Variants in TMEM132D observed in about 807,000 individuals in gnomAD.
The protein encoded by TMEM132D is transmembrane protein 132D.
A neutral mutation model predicts 62.3 loss-of-function variants in TMEM132D; 21 were observed. That is an observed-to-expected ratio of 0.34 (90% CI 0.24 to 0.49). TMEM132D has a LOEUF of 0.49. Ranked by LOEUF, TMEM132D falls within the 20% of genes least tolerant of loss-of-function variation. TMEM132D has a pLI of 0.99. For synonymous variants in TMEM132D, 621 were observed against 575.6 expected (o/e 1.08, Z -1.13); for missense variants, 1,346 against 1,402.8 (o/e 0.96, Z 0.65).
chr12:129,265,216 A>T (rs1004050106), intron 4 of TMEM132D, among the ~76,000 whole-genome samples: 1 of 152,212 alleles, frequency 6.6e-6, no homozygotes, highest in Admixed American at 6.5e-5. Context: ...AGCCAGGGTC[A>T]TGTGACACAC....
chr12:129,795,717 G>T, intron 1 of TMEM132D, among the ~76,000 whole-genome samples: 1 of 152,130 alleles, frequency 6.6e-6, no homozygotes, highest in Non-Finnish European at 1.5e-5. Context: ...TATCGAAATT[G>T]TAGTTGACAT....
chr12:129,387,292 T>C (rs1305633899), intron 3 of TMEM132D, among the ~76,000 whole-genome samples: 1 of 120,472 alleles, frequency 8.3e-6, no homozygotes, highest in African/African-American at 3.9e-5. Flanking sequence ...TATGTGCCAA[T>C]GCCAACACCA....
In TMEM132D at chr12:129,779,384, G is replaced by C. The variant is rs1871047272; in HGVS notation, c.80-78686C>G. Among the ~76,000 whole-genome samples, 1 of 152,152 alleles carries C rather than the reference G, an allele frequency of 6.6e-6. No homozygotes were observed. Among genetic ancestry groups the C allele is most frequent in the South Asian group, 2.1e-4 (1 of 4,834 alleles). On this transcript the variant is annotated intron_variant, in intron 1 of 8. Coordinates refer to ENST00000422113, the MANE Select transcript of TMEM132D (RefSeq NM_133448.3). This position sits in a 1 kb window ranked among gnomAD's most constrained non-coding sequence, Gnocchi z 4.1. ...GCTCACTACAACCTCCACTTCCTGG[G>C]TTCAGGTGATCCTCCCACCTCAGCC...
intron 3 of TMEM132D, among the ~76,000 whole-genome samples, chr12:129,395,900 T>C (rs370323951): frequency 7.3e-6 from 1 of 137,412 alleles, no homozygotes; most frequent in South Asian, 2.4e-4. Context: ...ACATTTATAA[T>C]ATACTATATA....
intron 3 of TMEM132D, among the ~76,000 whole-genome samples, chr12:129,444,027 A>G (rs1477292442): frequency 1.3e-5 from 2 of 152,192 alleles, no homozygotes; most frequent in Non-Finnish European, 1.5e-5. Flanking sequence ...CCTTTCCCCA[A>G]TAAATGATGC....
chr12:129,271,201 A>G (rs1379871715), intron 4 of TMEM132D, among the ~76,000 whole-genome samples: 2 of 149,250 alleles, frequency 1.3e-5, no homozygotes, highest in Non-Finnish European at 2.9e-5. Context: ...GTTAGGAAAA[A>G]AAATAAGACA....
rs529605485 is a variant in TMEM132D at position 129,457,298 on chromosome 12, G to A, written c.1115+73761C>T. ...AGTTTATGTCCTTTGTAGGGACATGGATGAAGCTGGAAACCATCATTCTCA... is the reference window on the plus strand; with the variant it reads ...AGTTTATGTCCTTTGTAGGGACATGAATGAAGCTGGAAACCATCATTCTCA... On this transcript the variant is annotated intron_variant, in intron 3 of 8. Coordinates refer to ENST00000422113, the MANE Select transcript of TMEM132D (RefSeq NM_133448.3). Among the ~76,000 whole-genome samples, 3 of 151,614 alleles carry A rather than the reference G, an allele frequency of 2.0e-5. No individual in the cohort carries two copies. The East Asian group carries it at 5.8e-4, about 29-fold the overall frequency.
intron 5 of TMEM132D, among the ~76,000 whole-genome samples, chr12:129,124,454 A>G (rs111761381): frequency 2.1e-3 from 321 of 152,226 alleles, no homozygotes; most frequent in African/African-American, 7.1e-3. Flanking sequence ...CTCTCCTAAA[A>G]TCTCTCTAGT....
intron 4 of TMEM132D, among the ~76,000 whole-genome samples, chr12:129,254,924 T>C (rs540922168): frequency 6.6e-6 from 1 of 152,290 alleles, no homozygotes; most frequent in Admixed American, 6.5e-5. Context: ...TCATGTCAAG[T>C]TGTAATCCCC....
intron 4 of TMEM132D, among the ~76,000 whole-genome samples, chr12:129,296,015 C>T (rs908345421): frequency 6.6e-6 from 1 of 152,020 alleles, no homozygotes; most frequent in Non-Finnish European, 1.5e-5. Context: ...CACACATACA[C>T]TCACATACAT....
At chr12:129,460,467 T>C (rs1873628608) in intron 3 of TMEM132D, among the ~76,000 whole-genome samples, 1 of 152,172 alleles carries the variant, frequency 6.6e-6, no homozygotes, top group Non-Finnish European at 1.5e-5. Context: ...TGACATCTAT[T>C]AGAACACACC....
Position 129,095,230 on chromosome 12 carries a change from C to T in TMEM132D, c.1444-10528G>A, listed in dbSNP as rs925671840. Among the ~76,000 whole-genome samples the T allele has an allele frequency of 6.0e-5, 9 of 151,214 alleles. 1 individual carries two copies. Among genetic ancestry groups the T allele is most frequent in the Admixed American group, 3.3e-4 (5 of 15,152 alleles). On this transcript the variant is annotated intron_variant, in intron 5 of 8. Coordinates refer to ENST00000422113, the MANE Select transcript of TMEM132D (RefSeq NM_133448.3). ...GGATGAATAGATAAAAATGTCTTCA[C>T]GTGGAAAAAAAATTCAAATGAATCT... is the stretch of plus-strand genomic sequence containing the variant.
intron 1 of TMEM132D, among the ~76,000 whole-genome samples, chr12:129,870,034 G>A (rs1874189636): frequency 6.6e-6 from 1 of 152,162 alleles, no homozygotes; most frequent in South Asian, 2.1e-4. Flanking sequence ...TGTCACCCAG[G>A]CTGGAGTGCA....
chr12:129,502,318 C>T (rs1593040471), intron 3 of TMEM132D, among the ~76,000 whole-genome samples: 1 of 152,162 alleles, frequency 6.6e-6, no homozygotes, highest in East Asian at 1.9e-4. Context: ...TTTCTTAATC[C>T]AAGTTCGCTA....
intron 4 of TMEM132D, among the ~76,000 whole-genome samples, chr12:129,294,694 C>T (rs1380167118): frequency 6.6e-6 from 1 of 152,180 alleles, no homozygotes; most frequent in African/African-American, 2.4e-5. Flanking sequence ...TCCAAGATAC[C>T]AGGAACCTCC....
intron 3 of TMEM132D, among the ~76,000 whole-genome samples, chr12:129,494,082 G>A (rs774150960): frequency 1.4e-4 from 22 of 152,254 alleles, no homozygotes; most frequent in Non-Finnish European, 2.8e-4. Context: ...ACGAACACAC[G>A]CTCATCCAAC....
chr12:129,518,687 G>A (rs974276918), intron 3 of TMEM132D, among the ~76,000 whole-genome samples: 3 of 151,978 alleles, frequency 2.0e-5, no homozygotes, highest in Non-Finnish European at 2.9e-5. Flanking sequence ...TAAATTGAGA[G>A]CATTTCCTCA....
At chr12:129,280,721 C>G (rs879454213) in intron 4 of TMEM132D, among the ~76,000 whole-genome samples, 8 of 152,142 alleles carry the variant, frequency 5.3e-5, no homozygotes, top group Non-Finnish European at 1.0e-4. Flanking sequence ...TATCAATCAT[C>G]TGTCATCTAT....
chr12:129,467,527 G>A (rs1327307685), intron 3 of TMEM132D, among the ~76,000 whole-genome samples: 1 of 152,194 alleles, frequency 6.6e-6, no homozygotes, highest in Non-Finnish European at 1.5e-5. Flanking sequence ...CTGGGGCTGG[G>A]TGACATCACT....
Sources: allele counts gnomAD v4.1 joint callset (sites outside exome capture counted in the v4.1 genomes callset), GRCh38; gene constraint gnomAD v4.1.1; non-coding constraint Gnocchi (gnomAD v3.1); transcripts MANE v1.5; gene names NCBI Gene and HGNC (gene_info 2026-07-23, HGNC 2026-07-21).